Variants in PCDH15 observed in about 807,000 individuals in gnomAD.
PCDH15 encodes the protein protocadherin related 15.
PCDH15 carries 129 observed loss-of-function variants against 178.5 expected under a neutral mutation model. That is an observed-to-expected ratio of 0.72 (90% CI 0.63 to 0.84). The LOEUF is 0.84. Among genes scored for constraint, PCDH15 ranks in the 40% least tolerant of loss-of-function variants. The pLI is 0.00. For missense variants in PCDH15, 2,230 were observed against 2,099.9 expected, an observed-to-expected ratio of 1.06 and a Z score of -1.21; for synonymous variants, 800 against 732.0, an observed-to-expected ratio of 1.09 and a Z score of -1.50.
intron 2 of PCDH15, among the ~76,000 whole-genome samples, chr10:54,595,719 A>T (rs968377500): frequency 4.6e-5 from 7 of 152,156 alleles, no homozygotes; most frequent in African/African-American, 1.7e-4. Context: ...AAGATACAGA[A>T]GGTAACAGAC....
chr10:55,188,091 G>A (rs1457475652), intron 1 of PCDH15, among the ~76,000 whole-genome samples: 1 of 151,848 alleles, frequency 6.6e-6, no homozygotes, highest in Non-Finnish European at 1.5e-5. Flanking sequence ...AAAATCAATA[G>A]AATTTGCTAA....
chr10:54,726,971 A>T (rs1942634619), intron 1 of PCDH15, among the ~76,000 whole-genome samples: 1 of 149,528 alleles, frequency 6.7e-6, no homozygotes, highest in Admixed American at 6.7e-5. Flanking sequence ...ATTGCAAGAA[A>T]CTTGGAAAAT....
chr10:54,159,094 G>C (rs7074181), intron 13 of PCDH15, among the ~76,000 whole-genome samples: 44,396 of 144,632 alleles, frequency 0.31, 6,949 homozygotes, highest in African/African-American at 0.39. Flanking sequence ...GGGTGACAGA[G>C]TGAGAGTCTG....
intron 1 of PCDH15, among the ~76,000 whole-genome samples, chr10:55,269,946 G>A (rs1481626174): frequency 6.6e-6 from 1 of 151,956 alleles, no homozygotes; most frequent in Non-Finnish European, 1.5e-5. Flanking sequence ...ATAGACCAAT[G>A]GAGCAGAATA....
chr10:54,477,415 T>C (rs893099595), intron 3 of PCDH15, among the ~76,000 whole-genome samples: 1 of 152,150 alleles, frequency 6.6e-6, no homozygotes, highest in African/African-American at 2.4e-5. Flanking sequence ...ACTGTTCCTA[T>C]AACAACACTC....
At chr10:54,609,926 T>C (rs1234879964) in intron 2 of PCDH15, among the ~76,000 whole-genome samples, 1 of 152,046 alleles carries the variant, frequency 6.6e-6, no homozygotes, top group African/African-American at 2.4e-5. Context: ...TGTTCATATA[T>C]TTATGTCATT....
intron 3 of PCDH15, among the ~76,000 whole-genome samples, chr10:54,434,906 T>C (rs2075282231): frequency 6.6e-6 from 1 of 152,218 alleles, no homozygotes; most frequent in African/African-American, 2.4e-5. Flanking sequence ...GTACCAGGTA[T>C]ATCACTCTTG....
chr10:55,226,922 T>C (rs548075164), intron 1 of PCDH15, among the ~76,000 whole-genome samples: 13 of 152,056 alleles, frequency 8.5e-5, no homozygotes, highest in Admixed American at 8.5e-4. Flanking sequence ...CCAGCTAACA[T>C]AAGTAAATAC....
intron 3 of PCDH15, among the ~76,000 whole-genome samples, chr10:54,872,043 T>G (rs1954049406): frequency 6.6e-6 from 1 of 152,082 alleles, no homozygotes; most frequent in Admixed American, 6.6e-5. Context: ...TCCAGTGAAA[T>G]ATAATAAAAA....
At chr10:53,850,657 T>C (rs1431299351) in intron 28 of PCDH15, among the ~76,000 whole-genome samples, 1 of 152,156 alleles carries the variant, frequency 6.6e-6, no homozygotes, top group Non-Finnish European at 1.5e-5. Flanking sequence ...TATGATTGCT[T>C]TTAGTTTATT....
At chr10:54,968,815 T>C (rs550401734) in intron 2 of PCDH15, among the ~76,000 whole-genome samples, 2 of 152,298 alleles carry the variant, frequency 1.3e-5, no homozygotes, top group East Asian at 3.9e-4. Context: ...AGTTTATTTT[T>C]TCTCTGTGTG....
intron 26 of PCDH15, among the ~76,000 whole-genome samples, chr10:53,892,026 T>TA (rs2081596590): frequency 7.0e-6 from 1 of 142,942 alleles, no homozygotes; most frequent in Non-Finnish European, 1.5e-5. Context: ...CTATGTTTTT[T>TA]TTTTTTTTTT....
intron 8 of PCDH15, among the ~76,000 whole-genome samples, chr10:54,278,393 A>G (rs571234977): frequency 6.7e-4 from 101 of 151,666 alleles, no homozygotes; most frequent in African/African-American, 2.3e-3. Flanking sequence ...TTCATTAGCC[A>G]TAACGCTTTA....
intron 2 of PCDH15, among the ~76,000 whole-genome samples, chr10:54,997,908 A>G (rs1481293124): frequency 6.6e-6 from 1 of 152,134 alleles, no homozygotes; most frequent in Non-Finnish European, 1.5e-5. Context: ...GGTCATTTCC[A>G]ATTAAGAAAG....
chr10:55,591,168 A>G (rs934144028), intron 2 of PCDH15, among the ~76,000 whole-genome samples: 6 of 152,084 alleles, frequency 3.9e-5, no homozygotes, highest in African/African-American at 1.2e-4. Flanking sequence ...ATTTAAGGTT[A>G]TGATAGGCAG....
chr10:53,817,095 C>CTGTT (rs2076085487), intron 34 of PCDH15, among the ~76,000 whole-genome samples: 2 of 152,194 alleles, frequency 1.3e-5, no homozygotes, highest in Admixed American at 1.3e-4. Context: ...ATTGAACCCA[C>CTGTT]TGTTTAAACT....
chr10:54,764,967 C>T (rs1027812765), intron 1 of PCDH15, among the ~76,000 whole-genome samples: 4 of 151,904 alleles, frequency 2.6e-5, no homozygotes, highest in African/African-American at 9.7e-5. Context: ...TTTCTGTATC[C>T]TAACTATGAA....
intron 2 of PCDH15, among the ~76,000 whole-genome samples, chr10:55,371,397 A>G (rs112533100): frequency 3.9e-5 from 6 of 152,054 alleles, no homozygotes; most frequent in African/African-American, 1.4e-4. Flanking sequence ...GGATGCTAAA[A>G]ATTTCAGAAC....
upstream of PCDH15, among the ~76,000 whole-genome samples, chr10:55,323,510 A>G (rs1290455676): frequency 6.6e-6 from 1 of 152,126 alleles, no homozygotes; most frequent in Non-Finnish European, 1.5e-5. Context: ...TGGGAACCCA[A>G]CTCTTGCATC....
Sources: allele counts gnomAD v4.1 joint callset (sites outside exome capture counted in the v4.1 genomes callset), GRCh38; gene constraint gnomAD v4.1.1; transcripts MANE v1.5; gene names NCBI Gene and HGNC (gene_info 2026-07-23, HGNC 2026-07-21).